Variants in PCDHAC1 observed in about 807,000 individuals in gnomAD.
PCDHAC1 encodes protocadherin alpha-C1.
PCDHAC1 carries 42 observed loss-of-function variants against 60.0 expected under a neutral mutation model. That is an observed-to-expected ratio of 0.70 (90% CI 0.55 to 0.90). The LOEUF (loss-of-function observed/expected upper bound fraction) is 0.90. Among genes scored for constraint, PCDHAC1 ranks in the 40% least tolerant of loss-of-function variants. The pLI is 0.00. For synonymous variants in PCDHAC1, 468 were observed against 499.3 expected, an observed-to-expected ratio of 0.94 and a Z score of 0.84; for missense variants, 1,160 against 1,222.3, an observed-to-expected ratio of 0.95 and a Z score of 0.76.
At chr5:140,990,772 C>T (rs1554251728) in intron 3 of PCDHAC1, among the ~76,000 whole-genome samples, 1 of 152,164 alleles carries the variant, frequency 6.6e-6, no homozygotes, top group African/African-American at 2.4e-5. Context: ...AAATTTGGCT[C>T]TGTGTTGGAC....
intron 1 of PCDHAC1, among the ~76,000 whole-genome samples, chr5:140,954,765 C>T (rs1305270750): frequency 6.6e-6 from 1 of 152,064 alleles, no homozygotes; most frequent in Non-Finnish European, 1.5e-5. Context: ...TGCAGAAGCT[C>T]TTTAATTTAA....
In PCDHAC1 at chr5:140,928,482, TG is replaced by T. The variant is rs782531828; in HGVS notation, c.1592del (p.Gly531AlafsTer9). ...FHFQVEGRDG[G>X]IPPRSATVTI... ...ATTTCCAAGTAGAAGGCCGGGATGG[TG>T]GCATTCCTCCCAGAAGTGCAACAGT... On this transcript the variant is annotated frameshift_variant, in exon 1 of 4. Coordinates refer to ENST00000253807, the MANE Select transcript of PCDHAC1 (RefSeq NM_018898.5). LOFTEE classifies it high-confidence loss of function. 6.2e-7 allele frequency: 1 copy of T among 1,614,024 alleles called. No homozygotes were observed. The highest frequency in any genetic ancestry group is 1.3e-5 in the African/African-American group (1 of 74,924).
intron 1 of PCDHAC1, among the ~76,000 whole-genome samples, chr5:140,953,593 G>T (rs1392522676): frequency 6.6e-6 from 1 of 152,026 alleles, no homozygotes; most frequent in African/African-American, 2.4e-5. Context: ...GCCTCCTTTT[G>T]TTTATTCCCC....
intron 1 of PCDHAC1, chr5:140,967,680 GGCAGCTCTTCA>G: frequency 6.2e-7 from 1 of 1,614,228 alleles, no homozygotes; most frequent in East Asian, 2.2e-5. Flanking sequence ...GACCGGGAGA[GGCAGCTCTTCA>G]GCATAGATGC....
chr5:140,928,634 C>G lies in PCDHAC1; in HGVS notation c.1742C>G (p.Thr581Arg). ...TCTGCCAGGACTGGACACTTGGTCA[C>G]AAAAGTGGTAGCAGAGGATGCTGAC... is the stretch of plus-strand genomic sequence containing the variant. Reference protein sequence around the residue: ...PRSARTGHLVTKVVAEDADSG... With the variant: ...PRSARTGHLVRKVVAEDADSG... The change falls in exon 1 of 4, where the codon ACA becomes AGA. Residue 581 changes from threonine (T) to arginine (R), a missense_variant. Coordinates refer to ENST00000253807, the MANE Select transcript of PCDHAC1 (RefSeq NM_018898.5). 1 of 1,614,216 alleles carries G rather than the reference C, an allele frequency of 6.2e-7. No individual in the cohort carries two copies. Among genetic ancestry groups the G allele is most frequent in the Non-Finnish European group, 8.5e-7 (1 of 1,180,030 alleles).
intron 3 of PCDHAC1, among the ~76,000 whole-genome samples, chr5:140,998,621 A>G (rs1167341355): frequency 5.3e-5 from 8 of 151,758 alleles, no homozygotes; most frequent in Admixed American, 3.9e-4. Context: ...CTGGAGTGCA[A>G]TGGCACAATC....
chr5:140,967,898 G>A (rs751530394), intron 1 of PCDHAC1: 9 of 1,614,046 alleles, frequency 5.6e-6, no homozygotes, highest in Non-Finnish European at 7.6e-6. Context: ...GCCTGAGAAT[G>A]CTACACCCAA....
At chr5:140,974,264 C>A (rs2096620873) in intron 1 of PCDHAC1, among the ~76,000 whole-genome samples, 1 of 152,168 alleles carries the variant, frequency 6.6e-6, no homozygotes, top group African/African-American at 2.4e-5. Flanking sequence ...CCTTTCTGGC[C>A]TTCCAGGGTC....
intron 1 of PCDHAC1, among the ~76,000 whole-genome samples, chr5:140,951,992 A>G (rs1469467629): frequency 6.6e-6 from 1 of 152,212 alleles, no homozygotes; most frequent in Non-Finnish European, 1.5e-5. Flanking sequence ...AAAACCAGCC[A>G]AAAGAAAGAA....
At chr5:140,968,480 A>G in intron 1 of PCDHAC1, 1 of 1,614,140 alleles carries the variant, frequency 6.2e-7, no homozygotes. Flanking sequence ...TGTGGTGGAC[A>G]TGAATGACCA....
In PCDHAC1 at chr5:140,926,693, C is replaced by T. The variant is rs576013331; in HGVS notation, c.-200C>T. 1.6e-5 allele frequency: 12 copies of T among 742,944 alleles called. No homozygotes were observed. The highest frequency in any genetic ancestry group is 9.2e-5 in the African/African-American group (5 of 54,636). 46.0% of individuals were successfully genotyped at this position (742,944 alleles called of 1,614,324 possible). On this transcript the variant is annotated 5_prime_UTR_variant, in exon 1 of 4. Transcript: ENST00000253807. ...TGCCCAGCCTCCAGCCTAGCAAGCC[C>T]GGCTCCCAGCTGGCCAGCCCCGGCA...
Position 140,966,357 on chromosome 5 carries a change from T to A in PCDHAC1, c.2434-12592T>A, listed in dbSNP as rs3756326. ...AGGTCCAGGGTGAAGGAGATGGGGCTGGAGAGGCTGAGCAGTCCGGGTTCG... is the reference window on the plus strand; with the variant it reads ...AGGTCCAGGGTGAAGGAGATGGGGCAGGAGAGGCTGAGCAGTCCGGGTTCG... On this transcript the variant is annotated intron_variant, in intron 1 of 3. Coordinates refer to ENST00000253807, the MANE Select transcript of PCDHAC1 (RefSeq NM_018898.5). The A allele has an allele frequency of 3.3e-4, 131 of 400,654 alleles. 3 individuals are homozygous for A. Among genetic ancestry groups the A allele is most frequent in the East Asian group, 2.0e-3 (56 of 27,900 alleles). The allele number at this position is 400,654 out of a possible 1,614,324, so 24.8% of individuals were successfully genotyped here.
chr5:141,006,636 A>G (rs1322633928), intron 3 of PCDHAC1, among the ~76,000 whole-genome samples: 3 of 152,210 alleles, frequency 2.0e-5, no homozygotes, highest in African/African-American at 7.2e-5. Context: ...TGCAATTCAT[A>G]TAAGAGATGA....
intron 3 of PCDHAC1, among the ~76,000 whole-genome samples, chr5:140,986,901 A>G (rs1289100953): frequency 6.6e-6 from 1 of 152,134 alleles, no homozygotes; most frequent in Non-Finnish European, 1.5e-5. Context: ...GCCCTATCCT[A>G]GACTAATGAA....
rs1285493810 is a variant in PCDHAC1, at chr5:140,927,176, TGACCTAC to T, written c.290_296del (p.Tyr97TrpfsTer39). On this transcript the variant is annotated frameshift_variant, in exon 1 of 4. Coordinates refer to ENST00000253807, the MANE Select transcript of PCDHAC1 (RefSeq NM_018898.5). LOFTEE classifies it high-confidence loss of function. The stretch of plus-strand genomic sequence containing the variant: ...TGCAGGGCCAAAGCTGCCTGCGTCT[TGACCTAC>T]GACCTGGTGCTCGAGGACCCGCTGG... The T allele has an allele frequency of 3.1e-6, 5 of 1,614,156 alleles. No homozygotes were observed. The highest frequency in any genetic ancestry group is 4.2e-6 in the Non-Finnish European group (5 of 1,180,034).
chr5:140,967,324 G>A, intron 1 of PCDHAC1: 4 of 1,609,186 alleles, frequency 2.5e-6, no homozygotes, highest in Non-Finnish European at 3.4e-6. Context: ...AGACCTACGA[G>A]CTCAGCCCCA....
At position 140,982,579 on chromosome 5, in the gene PCDHAC1, C is replaced by G. The variant is rs781915481; in HGVS notation, c.2581+16C>G. 7 of 1,612,084 alleles carry G rather than the reference C, an allele frequency of 4.3e-6. No individual in the cohort carries two copies. In the Admixed American group the frequency reaches 1.2e-4, roughly 27 times the overall value. On this transcript the variant is annotated intron_variant, in intron 3 of 3. Coordinates refer to ENST00000253807, the MANE Select transcript of PCDHAC1 (RefSeq NM_018898.5). ...GCAACACCAGGTAAAGAGCTGGGGT[C>G]TCTCCATTCTTTCTTGGTTTCTGGA...
Position 140,927,386 on chromosome 5 carries a change from C to T in PCDHAC1, c.494C>T (p.Pro165Leu). 6.2e-7 allele frequency: 1 copy of T among 1,614,106 alleles called. No individual in the cohort carries two copies. Among genetic ancestry groups the T allele is most frequent in the African/African-American group, 1.3e-5 (1 of 75,048 alleles). ...GGGATACTAAGCTACAGCCTAAGCCCCAGTCAGCACTTTCGCCTGGACATG... is the reference window on the plus strand; with the variant it reads ...GGGATACTAAGCTACAGCCTAAGCCTCAGTCAGCACTTTCGCCTGGACATG... The part of the protein sequence containing the change: ...SNGILSYSLS[P>L]SQHFRLDMGS... Residue 165 changes from proline to leucine, a missense_variant, in exon 1 of 4, where the codon CCC becomes CTC. Pro to Leu is a moderately conservative substitution (Grantham distance 98). Transcript: ENST00000253807.
chr5:141,004,351 G>T (rs547017222), intron 3 of PCDHAC1, among the ~76,000 whole-genome samples: 1 of 152,332 alleles, frequency 6.6e-6, no homozygotes, highest in African/African-American at 2.4e-5. Flanking sequence ...TGAGGGACTG[G>T]AGAGACCACA....
Sources: allele counts gnomAD v4.1 joint callset (sites outside exome capture counted in the v4.1 genomes callset), GRCh38; gene constraint gnomAD v4.1.1; transcripts MANE v1.5; gene names NCBI Gene and HGNC (gene_info 2026-07-23, HGNC 2026-07-21).